The following MAPK8IP3 variants were observed in gnomAD, a reference collection of about 807,000 sequenced individuals.
MAPK8IP3 encodes the protein C-Jun-amino-terminal kinase-interacting protein 3.
In MAPK8IP3, 49 loss-of-function variants were observed where a neutral mutation model predicts 157.8. That is an observed-to-expected ratio of 0.31 (90% CI 0.25 to 0.39). The LOEUF is 0.39. Ranked by LOEUF, MAPK8IP3 falls within the 10% of genes least tolerant of loss-of-function variation. MAPK8IP3 has a pLI of 1.00. For missense variants in MAPK8IP3, 1,478 were observed against 1,889.4 expected, an observed-to-expected ratio of 0.78 and a Z score of 4.04; for synonymous variants, 897 against 777.7, an observed-to-expected ratio of 1.15 and a Z score of -2.55.
chr16:1,748,628 C>T lies in MAPK8IP3; in HGVS notation c.1124C>T (p.Ala375Val). Residue 375 changes from alanine to valine, a missense_variant, in exon 8 of 32, where the codon GCT becomes GTT. Ala to Val is a moderately conservative substitution (Grantham distance 64). Around this residue, in one of 11 missense-constraint regions of MAPK8IP3, gnomAD observed 315 missense variants for 394.4 expected, o/e 0.80. Transcript: ENST00000610761. ...SSPTQGIVNK[A>V]FGINTDSLYH... Reference sequence around the variant, plus strand: ...CCAACCCAGGGCATCGTGAACAAAGCTTTCGGCATCAACACCGACTCCCTG... The same window carrying T: ...CCAACCCAGGGCATCGTGAACAAAGTTTTCGGCATCAACACCGACTCCCTG... The T allele has an allele frequency of 6.2e-7, 1 of 1,614,158 alleles. No homozygotes were observed. The highest frequency in any genetic ancestry group is 8.5e-7 in the Non-Finnish European group (1 of 1,180,020).
chr16:1,716,246 G>GGAATACT (rs2038141116), intron 1 of MAPK8IP3, among the ~76,000 whole-genome samples: 1 of 151,552 alleles, frequency 6.6e-6, no homozygotes, highest in African/African-American at 2.4e-5. Context: ...ATCATTCTAT[G>GGAATACT]GAATACTGAA....
At chr16:1,760,213 A>G (rs2141917176) in intron 11 of MAPK8IP3, 167 bp from the exon 12 acceptor site, 3 of 970,870 alleles carry the variant, frequency 3.1e-6, no homozygotes, top group Non-Finnish European at 3.0e-6. Flanking sequence ...GCCTCTAACA[A>G]GGGTGCTATA....
Position 1,766,002 on chromosome 16 carries a change from A to C in MAPK8IP3, c.2489A>C (p.Asp830Ala). 1 of 1,612,734 alleles carries C rather than the reference A, an allele frequency of 6.2e-7. No homozygotes were observed. Among genetic ancestry groups the C allele is most frequent in the Non-Finnish European group, 8.5e-7 (1 of 1,179,908 alleles). ...SDYPPGEMFL[D>A]SDVNPEDPGA... ...TACCCTCCCGGGGAGATGTTCCTGG[A>C]CAGCGACGTGAACCCAGAGGACCCG... Residue 830 changes from aspartate (D) to alanine (A), a missense_variant, in exon 21 of 32, where the codon GAC becomes GCC. Asp to Ala is a moderately radical substitution (Grantham distance 126). Coordinates refer to ENST00000610761, the MANE Select transcript of MAPK8IP3 (RefSeq NM_001318852.2).
At chr16:1,740,172 CTGTG>C (rs1158677484) in intron 4 of MAPK8IP3, among the ~76,000 whole-genome samples, 1 of 119,968 alleles carries the variant, frequency 8.3e-6, no homozygotes, top group Non-Finnish European at 1.7e-5. Flanking sequence ...GTGTGAGCAT[CTGTG>C]TGACCGTTCG....
Position 1,761,301 on chromosome 16 carries a change from A to G in MAPK8IP3, c.1535A>G (p.Glu512Gly). 2 of 1,613,226 alleles carry G rather than the reference A, an allele frequency of 1.2e-6. No individual in the cohort carries two copies. Among genetic ancestry groups the G allele is most frequent in the Non-Finnish European group, 1.7e-6 (2 of 1,179,916 alleles). ...AEDVSSYLCT[E>G]SDKIPMAQRR... ...GATGTAAGCAGCTATCTCTGTACAGAATCGGTACATCCACTCTTCACTCTT... is the reference window on the plus strand; with the variant it reads ...GATGTAAGCAGCTATCTCTGTACAGGATCGGTACATCCACTCTTCACTCTT... Residue 512 changes from glutamate to glycine, a missense_variant, in exon 13 of 32, where the codon GAA (glutamate) becomes GGA (glycine). Glu to Gly is a moderately conservative substitution (Grantham distance 98, BLOSUM62 -2). Around this residue, in one of 11 missense-constraint regions of MAPK8IP3, gnomAD observed 96 missense variants for 106.3 expected, o/e 0.90. Coordinates refer to ENST00000610761, the MANE Select transcript of MAPK8IP3 (RefSeq NM_001318852.2).
Position 1,743,934 on chromosome 16 carries a change from A to T in MAPK8IP3, c.747+458A>T, listed in dbSNP as rs772626452. ...TGGGGTTTGCCCTCCGTTGGCAGAA[A>T]GGTGAGGAGAAAGCTCCTCTTCTCT... On this transcript the variant is annotated intron_variant, in intron 5 of 31. Coordinates refer to ENST00000610761, the MANE Select transcript of MAPK8IP3 (RefSeq NM_001318852.2). The surrounding 1 kb of genome is among the most constrained non-coding windows in gnomAD (Gnocchi z 5.6). 9.9e-7 allele frequency: 1 copy of T among 1,006,850 alleles called. No individual in the cohort carries two copies. The highest frequency in any genetic ancestry group is 4.0e-5 in the South Asian group (1 of 24,734). 62.4% of individuals were successfully genotyped at this position (1,006,850 alleles called of 1,614,324 possible).
At chr16:1,727,740 C>G (rs898871454) in intron 2 of MAPK8IP3, among the ~76,000 whole-genome samples, 13 of 152,190 alleles carry the variant, frequency 8.5e-5, no homozygotes, top group African/African-American at 3.1e-4. Context: ...GGGGTGAGAT[C>G]CCCGCGCCAG....
chr16:1,727,465 G>A (rs190536604), intron 2 of MAPK8IP3, among the ~76,000 whole-genome samples: 3 of 152,154 alleles, frequency 2.0e-5, no homozygotes, highest in Admixed American at 2.0e-4. Flanking sequence ...TGTTGTGTGC[G>A]GTGTCTGTAC....
intron 1 of MAPK8IP3, among the ~76,000 whole-genome samples, chr16:1,722,561 T>G (rs909796384): frequency 1.3e-5 from 2 of 152,046 alleles, no homozygotes; most frequent in African/African-American, 4.8e-5. Context: ...GAGAAACTCT[T>G]TTGTCTTCAG....
At chr16:1,728,672 T>C (rs1376211733) in intron 2 of MAPK8IP3, among the ~76,000 whole-genome samples, 2 of 143,396 alleles carry the variant, frequency 1.4e-5, no homozygotes, top group East Asian at 2.0e-4. Context: ...TGTTCTCCCA[T>C]GGTACAGGGC....
intron 2 of MAPK8IP3, among the ~76,000 whole-genome samples, chr16:1,725,240 A>G (rs2038797259): frequency 1.3e-5 from 2 of 150,868 alleles, no homozygotes; most frequent in Admixed American, 6.6e-5. Context: ...TCTACTGTCA[A>G]TGTTTTAGGC....
In MAPK8IP3 at chr16:1,764,401, G is replaced by A. The variant is rs764105464; in HGVS notation, c.2222G>A (p.Cys741Tyr). ...KPAPGRDPLTCDREGDGEPKS... is the reference protein window; with the variant it reads ...KPAPGRDPLTYDREGDGEPKS... Reference sequence around the variant, plus strand: ...GCGCCAGGCCGCGATCCCCTGACCTGCGACCGCGAAGGAGACGGCGAGCCC... The same window carrying A: ...GCGCCAGGCCGCGATCCCCTGACCTACGACCGCGAAGGAGACGGCGAGCCC... Residue 741 changes from cysteine (C) to tyrosine (Y), a missense_variant, in exon 19 of 32, where the codon TGC (cysteine) becomes TAC (tyrosine). This residue lies in a region of MAPK8IP3 where 669 missense variants were observed against 759.8 expected (regional missense o/e 0.88). Transcript: ENST00000610761. 1.9e-6 allele frequency: 3 copies of A among 1,602,984 alleles called. No individual in the cohort carries two copies. Among genetic ancestry groups the A allele is most frequent in the East Asian group, 4.5e-5 (2 of 44,462 alleles).
At chr16:1,715,024 A>G (rs540336064) in intron 1 of MAPK8IP3, among the ~76,000 whole-genome samples, 1 of 152,224 alleles carries the variant, frequency 6.6e-6, no homozygotes, top group South Asian at 2.1e-4. Context: ...AAATTTATAT[A>G]TATATTTCCC....
At chr16:1,737,907 C>T (rs1332580876) in intron 4 of MAPK8IP3, among the ~76,000 whole-genome samples, 4 of 54,574 alleles carry the variant, frequency 7.3e-5, no homozygotes, top group South Asian at 1.5e-3. Context: ...AGCGTGTGAC[C>T]GTCCGTGTGT....
At chr16:1,727,137 C>T (rs1484226208) in intron 2 of MAPK8IP3, among the ~76,000 whole-genome samples, 1 of 145,294 alleles carries the variant, frequency 6.9e-6, no homozygotes, top group Non-Finnish European at 1.5e-5. Flanking sequence ...CTGTGTGCGG[C>T]ACCTGAGTTG....
chr16:1,759,914 T>C (rs1472529433), intron 10 of MAPK8IP3, 44 bp from the exon 11 acceptor site: 2 of 1,575,636 alleles, frequency 1.3e-6, no homozygotes, highest in Non-Finnish European at 1.7e-6. Context: ...ATCAGTGACC[T>C]GTTTTGAAGG....
rs2040820908 is a variant in MAPK8IP3 at position 1,743,867 on chromosome 16, A to C, written c.747+391A>C. 1 of 1,079,902 alleles carries C rather than the reference A, an allele frequency of 9.3e-7. No homozygotes were observed. Among genetic ancestry groups the C allele is most frequent in the Non-Finnish European group, 1.1e-6 (1 of 888,928 alleles). The allele number at this position is 1,079,902 out of a possible 1,614,324, so 66.9% of individuals were successfully genotyped here. A position where few individuals can be genotyped will look rare whatever the true frequency, so the allele number is the denominator to read the frequency against. On this transcript the variant is annotated intron_variant, in intron 5 of 31. Transcript: ENST00000610761. The surrounding 1 kb of genome is among the most constrained non-coding windows in gnomAD (Gnocchi z 5.6). ...CAGCCAGACACATCCTGCCCCTGAG[A>C]GCCACGCCTCTACTCTCGGAGGAAC...
At chr16:1,760,206 T>G (rs2141917151) in intron 11 of MAPK8IP3, 174 bp from the exon 12 acceptor site, 3 of 978,714 alleles carry the variant, frequency 3.1e-6, no homozygotes, top group East Asian at 5.0e-5. Flanking sequence ...TCCAGGAGCC[T>G]CTAACAAGGG....
intron 1 of MAPK8IP3, among the ~76,000 whole-genome samples, chr16:1,713,373 C>T (rs1262272238): frequency 1.3e-5 from 2 of 152,200 alleles, no homozygotes; most frequent in Non-Finnish European, 2.9e-5. Flanking sequence ...CTCGTGCCAC[C>T]ATGCCCGGCT....
Sources: allele counts gnomAD v4.1 joint callset (sites outside exome capture counted in the v4.1 genomes callset), GRCh38; gene constraint gnomAD v4.1.1; regional missense constraint gnomAD v4.1.1; non-coding constraint Gnocchi (gnomAD v3.1); transcripts MANE v1.5; gene names NCBI Gene and HGNC (gene_info 2026-07-23, HGNC 2026-07-21).